Variants in KMT2C observed in about 807,000 individuals in gnomAD.
The protein encoded by KMT2C is histone-lysine N-methyltransferase 2C.
Under a neutral mutation model 507.9 loss-of-function variants are expected in KMT2C, and 88 were observed. That is an observed-to-expected ratio of 0.17 (90% confidence interval 0.15 to 0.21). The LOEUF (loss-of-function observed/expected upper bound fraction) is 0.21, where lower values mean the gene tolerates loss of function less well. Among genes scored for constraint, KMT2C ranks in the 10% least tolerant of loss-of-function variants. KMT2C has a pLI of 1.00. For missense variants in KMT2C, 4,954 were observed against 5,957.8 expected (o/e 0.83, Z 5.55); for synonymous variants, 2,049 against 2,080.8 (o/e 0.98, Z 0.42).
chr7:152,344,249 C>T (rs13226101), intron 2 of KMT2C, among the ~76,000 whole-genome samples: 15,299 of 152,114 alleles, frequency 0.1, 1,781 homozygotes, highest in African/African-American at 0.28. Flanking sequence ...AAGACCCCAG[C>T]GGATGCCTGA....
rs759153603 is a variant in KMT2C at position 152,315,147 on chromosome 7, C to T, written c.581G>A (p.Gly194Glu). The change falls in exon 4 of 59, where the codon GGA (glycine) becomes GAA (glutamate). Residue 194 changes from glycine (G) to glutamate (E), a missense_variant. Physicochemically the swap from Gly to Glu is moderately conservative, Grantham distance 98. Around this residue, in one of 29 missense-constraint regions of KMT2C, gnomAD observed 233 missense variants for 263.6 expected, o/e 0.88. Transcript: ENST00000262189. ...AGTCGAAACTGCTTACTTTCTCTGT[C>T]CTCTTTGTTTTCGTGGTGCTGAGTT... Reference protein sequence around the residue: ...MQNSAPRKQRGQRKERSPQQN... With the variant: ...MQNSAPRKQREQRKERSPQQN... 1.2e-6 allele frequency: 2 copies of T among 1,613,828 alleles called. No homozygotes were observed. Among genetic ancestry groups the T allele is most frequent in the Non-Finnish European group, 1.7e-6 (2 of 1,179,808 alleles).
rs557209065 is a variant in KMT2C at position 152,336,944 on chromosome 7, G to A, written c.251-6205C>T. 1.3e-4 allele frequency among the ~76,000 whole-genome samples: 20 copies of A among 152,016 alleles called. No individual in the cohort carries two copies. In the South Asian group the frequency reaches 2.9e-3, roughly 22 times the overall value. On this transcript the variant is annotated intron_variant, in intron 2 of 58. Transcript: ENST00000262189. Reference sequence around the variant, plus strand: ...GATTTCATCTGTAGCCACTATCTACGGATAATCTCCATCCACTAGGTGGCA... The same window carrying A: ...GATTTCATCTGTAGCCACTATCTACAGATAATCTCCATCCACTAGGTGGCA...
chr7:152,358,679 C>CAT lies in KMT2C; in HGVS notation c.162-5_162-4insAT. On this transcript the variant is annotated splice_region_variant and splice_polypyrimidine_tract_variant and intron_variant, in intron 1 of 58. Coordinates refer to ENST00000262189, the MANE Select transcript of KMT2C (RefSeq NM_170606.3). ...AGTTTTCCCCCTACTTCGAGGTCTA[C>CAT]AGAAAAAAAAAAAAATAATAAGTAC... 2 of 1,457,372 alleles carry CAT rather than the reference C, an allele frequency of 1.4e-6. No individual in the cohort carries two copies. Among genetic ancestry groups the CAT allele is most frequent in the Non-Finnish European group, 1.9e-6 (2 of 1,077,232 alleles). The allele number at this position is 1,457,372 out of a possible 1,614,324, so 90.3% of individuals were successfully genotyped here.
chr7:152,229,300 G>C (rs1380084385), intron 18 of KMT2C, among the ~76,000 whole-genome samples: 1 of 152,048 alleles, frequency 6.6e-6, no homozygotes, highest in Non-Finnish European at 1.5e-5. Flanking sequence ...TATTAAGACT[G>C]AGTTCTTAAA....
chr7:152,148,020 C>T lies in KMT2C; in HGVS notation c.13894+13G>A, dbSNP rs780571542. 4 of 1,555,410 alleles carry T rather than the reference C, an allele frequency of 2.6e-6. No individual in the cohort carries two copies. Among genetic ancestry groups the T allele is most frequent in the South Asian group, 2.4e-5 (2 of 81,894 alleles). On this transcript the variant is annotated intron_variant, in intron 52 of 58. Coordinates refer to ENST00000262189, the MANE Select transcript of KMT2C (RefSeq NM_170606.3). The surrounding 1 kb of genome is among the most constrained non-coding windows in gnomAD (Gnocchi z 7.1). ...TAAGTAGCACTGCACAGCATGTGAA[C>T]GGCAGACGTTACCTTTAGGTGAGAT...
In KMT2C at chr7:152,163,207, T is replaced by C. The variant is rs759669158; in HGVS notation, c.10370A>G (p.Asp3457Gly). 6.2e-7 allele frequency: 1 copy of C among 1,614,152 alleles called. No individual in the cohort carries two copies. The highest frequency in any genetic ancestry group is 1.7e-5 in the Admixed American group (1 of 60,028). The change falls in exon 43 of 59, where the codon GAC becomes GGC. Residue 3457 changes from aspartate to glycine, a missense_variant. Coordinates refer to ENST00000262189, the MANE Select transcript of KMT2C (RefSeq NM_170606.3). ...SVSQIPFYSS[D>G]LPCDFMQPLG... ...AGGTTGCATAAAATCACAAGGTAAG[T>C]CGGAACTGTAGAAGGGAATCTGGGA...
intron 2 of KMT2C, among the ~76,000 whole-genome samples, chr7:152,343,008 C>T (rs956802487): frequency 1.3e-5 from 2 of 152,158 alleles, no homozygotes; most frequent in Non-Finnish European, 2.9e-5. Flanking sequence ...ACTTCCCCCT[C>T]CTCCTACAAG....
intron 15 of KMT2C, among the ~76,000 whole-genome samples, chr7:152,238,000 T>C (rs2095313255): frequency 6.6e-6 from 1 of 152,210 alleles, no homozygotes; most frequent in Non-Finnish European, 1.5e-5. Flanking sequence ...TTGGATGATA[T>C]CAGGGGGAGG....
intron 3 of KMT2C, among the ~76,000 whole-genome samples, chr7:152,320,312 G>C (rs903297640): frequency 6.6e-6 from 1 of 152,086 alleles, no homozygotes; most frequent in African/African-American, 2.4e-5. Context: ...GCAATGGTAC[G>C]GTCTTGGCTC....
At chr7:152,257,025 C>T (rs1011986984) in intron 9 of KMT2C, among the ~76,000 whole-genome samples, 7 of 152,072 alleles carry the variant, frequency 4.6e-5, no homozygotes, top group African/African-American at 1.7e-4. Context: ...CAGATTTGTC[C>T]CTGAGAATTC....
At chr7:152,302,793 C>G (rs568565770) in intron 6 of KMT2C, among the ~76,000 whole-genome samples, 1 of 152,114 alleles carries the variant, frequency 6.6e-6, no homozygotes, top group East Asian at 1.9e-4. Context: ...AGGCACACAC[C>G]ACCACACACG....
At chr7:152,289,479 G>C (rs925146697) in intron 6 of KMT2C, among the ~76,000 whole-genome samples, 1 of 152,152 alleles carries the variant, frequency 6.6e-6, no homozygotes, top group African/African-American at 2.4e-5. Context: ...AAGAATTTGT[G>C]ATCATGTGAT....
intron 1 of KMT2C, among the ~76,000 whole-genome samples, chr7:152,397,807 C>G (rs115451587): frequency 0.024 from 3,676 of 152,260 alleles, 156 homozygotes; most frequent in African/African-American, 0.083. Context: ...TACTCACTCT[C>G]TCTTGCCTGC....
chr7:152,419,154 A>T (rs2097763790), intron 1 of KMT2C, among the ~76,000 whole-genome samples: 1 of 152,174 alleles, frequency 6.6e-6, no homozygotes, highest in Non-Finnish European at 1.5e-5. Flanking sequence ...GTTTGAGACC[A>T]GCCTGGCCAA....
At chr7:152,298,650 C>T (rs1405662449) in intron 6 of KMT2C, among the ~76,000 whole-genome samples, 2 of 152,124 alleles carry the variant, frequency 1.3e-5, no homozygotes, top group Non-Finnish European at 2.9e-5. Context: ...AAAGGATATT[C>T]TCCAGAAACA....
chr7:152,351,840 G>A (rs186953926), intron 2 of KMT2C, among the ~76,000 whole-genome samples: 30 of 152,220 alleles, frequency 2.0e-4, no homozygotes, highest in East Asian at 5.8e-4. Flanking sequence ...ATTTTCATAA[G>A]CTGAGGAGGA....
At chr7:152,171,500 T>C (rs1337771470) in intron 39 of KMT2C, among the ~76,000 whole-genome samples, 158 bp from the exon 40 acceptor site, 1 of 152,262 alleles carries the variant, frequency 6.6e-6, no homozygotes, top group Non-Finnish European at 1.5e-5. Flanking sequence ...TTTCATGTAC[T>C]GGGCAGATGT....
chr7:152,394,351 C>T (rs2097523897), intron 1 of KMT2C, among the ~76,000 whole-genome samples: 1 of 152,298 alleles, frequency 6.6e-6, no homozygotes, highest in South Asian at 2.1e-4. Context: ...ACTCCCCACG[C>T]TACTTCTCTT....
chr7:152,425,775 TAAAAGAACACCACC>T (rs2097810506), intron 1 of KMT2C, among the ~76,000 whole-genome samples: 1 of 152,046 alleles, frequency 6.6e-6, no homozygotes. Context: ...TAGGCTCCAC[TAAAAGAACACCACC>T]ACACAGACTT....
Sources: allele counts gnomAD v4.1 joint callset (sites outside exome capture counted in the v4.1 genomes callset), GRCh38; gene constraint gnomAD v4.1.1; regional missense constraint gnomAD v4.1.1; non-coding constraint Gnocchi (gnomAD v3.1); transcripts MANE v1.5; gene names NCBI Gene and HGNC (gene_info 2026-07-23, HGNC 2026-07-21).